Variants in PIAS1 observed in about 807,000 individuals in gnomAD.
PIAS1 encodes the protein protein inhibitor of activated STAT 1.
PIAS1 carries 6 observed loss-of-function variants against 71.3 expected under a neutral mutation model. The ratio of observed to expected loss-of-function variants is 0.08; its 90% CI spans 0.05 to 0.17. The LOEUF (loss-of-function observed/expected upper bound fraction) is 0.17. Among genes scored for constraint, PIAS1 ranks in the 10% least tolerant of loss-of-function variants. The pLI is 1.00. For missense variants in PIAS1, 555 were observed against 793.6 expected, an observed-to-expected ratio of 0.70 and a Z score of 3.61; for synonymous variants, 303 against 292.9, an observed-to-expected ratio of 1.03 and a Z score of -0.35.
At chr15:68,068,459 CTTTT>C (rs1317734300) in intron 1 of PIAS1, among the ~76,000 whole-genome samples, 1 of 150,974 alleles carries the variant, frequency 6.6e-6, no homozygotes, top group East Asian at 1.9e-4. Context: ...GGGGTTAAGT[CTTTT>C]TTTTTGAGAC....
chr15:68,063,352 G>A (rs2081103759), intron 1 of PIAS1, among the ~76,000 whole-genome samples: 1 of 152,166 alleles, frequency 6.6e-6, no homozygotes, highest in Non-Finnish European at 1.5e-5. Context: ...AGATTGGAAA[G>A]ATTTCAGAGT....
chr15:68,122,990 G>A (rs1416116795), intron 2 of PIAS1, among the ~76,000 whole-genome samples: 2 of 150,304 alleles, frequency 1.3e-5, no homozygotes, highest in East Asian at 3.9e-4. Flanking sequence ...TAAGGTAAAA[G>A]CTGTTTTTTT....
chr15:68,172,587 AT>A (rs1302625581), intron 8 of PIAS1, among the ~76,000 whole-genome samples: 7 of 152,104 alleles, frequency 4.6e-5, no homozygotes, highest in Non-Finnish European at 7.4e-5. Flanking sequence ...AAGCGTTTAT[AT>A]TTTTCAAGTT....
intron 2 of PIAS1, among the ~76,000 whole-genome samples, chr15:68,132,844 A>G (rs546795838): frequency 6.6e-6 from 1 of 152,162 alleles, no homozygotes; most frequent in Non-Finnish European, 1.5e-5. Flanking sequence ...GCTCAGTTTT[A>G]TCTTTTGAAT....
At chr15:68,152,220 A>G (rs2092852832) in intron 6 of PIAS1, among the ~76,000 whole-genome samples, 1 of 152,024 alleles carries the variant, frequency 6.6e-6, no homozygotes, top group Non-Finnish European at 1.5e-5. Context: ...AAGTGCTGGG[A>G]TTACAGTCAT....
At chr15:68,106,959 G>A (rs1276648872) in intron 2 of PIAS1, among the ~76,000 whole-genome samples, 2 of 152,142 alleles carry the variant, frequency 1.3e-5, no homozygotes, top group Non-Finnish European at 2.9e-5. Context: ...ATTCATGAGT[G>A]TTTAAAAGAC....
At chr15:68,138,322 C>T (rs1199387069) in intron 2 of PIAS1, among the ~76,000 whole-genome samples, 1 of 152,104 alleles carries the variant, frequency 6.6e-6, no homozygotes, top group Admixed American at 6.5e-5. Flanking sequence ...AAGTGGTACA[C>T]TACCACTCCT....
chr15:68,193,542 C>G lies in PIAS1; in HGVS notation c.*5707C>G, dbSNP rs1315152163. The G allele has an allele frequency of 6.5e-6, 1 of 153,626 alleles. No individual in the cohort carries two copies. Among genetic ancestry groups the G allele is most frequent in the African/African-American group, 2.4e-5 (1 of 41,484 alleles). 9.5% of individuals were successfully genotyped at this position (153,626 alleles called of 1,614,324 possible). ...TAGCACTGGCTTCATCTTGGAAAAT[C>G]TTGGAAATATGGAAGATGGTTCTAG... On this transcript the variant is annotated 3_prime_UTR_variant, in exon 14 of 14. Coordinates refer to ENST00000249636, the MANE Select transcript of PIAS1 (RefSeq NM_016166.3).
In PIAS1 at chr15:68,173,614, A is replaced by G. The variant is rs2093004884; in HGVS notation, c.1009-118A>G. On this transcript the variant is annotated intron_variant, in intron 8 of 13. Coordinates refer to ENST00000249636, the MANE Select transcript of PIAS1 (RefSeq NM_016166.3). This position sits in a 1 kb window ranked among gnomAD's most constrained non-coding sequence, Gnocchi z 4.3. The stretch of plus-strand genomic sequence containing the variant: ...TTAATGTTCTTCTACATTGATGAAA[A>G]GTCAACACTGTATGCTTTAAATCAG... 1 of 532,726 alleles carries G rather than the reference A, an allele frequency of 1.9e-6. No homozygotes were observed. Among genetic ancestry groups the G allele is most frequent in the East Asian group, 3.1e-5 (1 of 31,936 alleles). 33.0% of individuals were successfully genotyped at this position (532,726 alleles called of 1,614,324 possible).
In PIAS1 at chr15:68,172,496, T is replaced by G. The variant is rs182369193; in HGVS notation, c.1009-1236T>G. Among the ~76,000 whole-genome samples the G allele has an allele frequency of 2.2e-3, 342 of 152,336 alleles. 3 individuals carry two copies. The highest frequency in any genetic ancestry group is 6.1e-3 in the African/African-American group (253 of 41,574). Reference sequence around the variant, plus strand: ...CCAGATCCTTGAGGAATTGCCACACTGTGTTCCACAATGGTGAACTAGTTT... The same window carrying G: ...CCAGATCCTTGAGGAATTGCCACACGGTGTTCCACAATGGTGAACTAGTTT... On this transcript the variant is annotated intron_variant, in intron 8 of 13. Coordinates refer to ENST00000249636, the MANE Select transcript of PIAS1 (RefSeq NM_016166.3).
chr15:68,138,934 G>A (rs2092751875), intron 2 of PIAS1, among the ~76,000 whole-genome samples: 1 of 152,212 alleles, frequency 6.6e-6, no homozygotes, highest in African/African-American at 2.4e-5. Context: ...AAGAATGGCT[G>A]TCACTGGATG....
At position 68,086,409 on chromosome 15, in the gene PIAS1, A is replaced by G; in HGVS notation, c.128A>G (p.His43Arg). ...RKHELLTKAL[H>R]LLKAGCSPAV... ...CACGAACTTCTCACAAAAGCCCTGC[A>G]TTTGCTAAAGGCTGGCTGTAGTCCT... Residue 43 changes from histidine (H) to arginine (R), a missense_variant, in exon 2 of 14, where the codon CAT (histidine) becomes CGT (arginine). Coordinates refer to ENST00000249636, the MANE Select transcript of PIAS1 (RefSeq NM_016166.3). This position sits in a 1 kb window ranked among gnomAD's most constrained non-coding sequence, Gnocchi z 7.2. 6.2e-7 allele frequency: 1 copy of G among 1,613,914 alleles called. No homozygotes were observed. The highest frequency in any genetic ancestry group is 8.5e-7 in the Non-Finnish European group (1 of 1,179,832).
Position 68,187,834 on chromosome 15 carries a change from G to A in PIAS1, c.1955G>A (p.Ter652=). The change falls in exon 14 of 14, where the codon TGA becomes TAA. Residue 652 remains the stop codon, a stop_retained_variant. Coordinates refer to ENST00000249636, the MANE Select transcript of PIAS1 (RefSeq NM_016166.3). The surrounding 1 kb of genome is among the most constrained non-coding windows in gnomAD (Gnocchi z 5.3). ...ATACCAGACATTATTTCATTGGACT[G>A]ATTCCCAGGCCCTGCTGCTCCCATC... ...GIIPDIISLD[*] is the part of the protein sequence containing the mutation. 1 of 1,611,066 alleles carries A rather than the reference G, an allele frequency of 6.2e-7. No individual in the cohort carries two copies. The highest frequency in any genetic ancestry group is 1.7e-5 in the Admixed American group (1 of 59,878).
At chr15:68,164,417 GA>G (rs2092943598) in intron 7 of PIAS1, among the ~76,000 whole-genome samples, 2 of 152,114 alleles carry the variant, frequency 1.3e-5, no homozygotes, top group South Asian at 4.1e-4. Flanking sequence ...AGTTATAAAA[GA>G]AAAAGGGTCT....
intron 12 of PIAS1, chr15:68,181,882 T>C (rs1345619643): frequency 6.5e-6 from 1 of 154,108 alleles, no homozygotes; most frequent in Non-Finnish European, 1.4e-5. Context: ...GGTTTCACTA[T>C]TTTGGTCAGG....
At chr15:68,071,467 G>A (rs1188362126) in intron 1 of PIAS1, among the ~76,000 whole-genome samples, 5 of 149,234 alleles carry the variant, frequency 3.4e-5, no homozygotes, top group African/African-American at 9.9e-5. Context: ...CACCTGCCTC[G>A]GCCTCCCAAA....
chr15:68,153,460 C>A, intron 6 of PIAS1, 130 bp from the exon 7 acceptor site: 1 of 579,600 alleles, frequency 1.7e-6, no homozygotes. Context: ...CATGAAAACA[C>A]CTAAGACTGC....
In PIAS1 at chr15:68,065,915, C is replaced by CTTTTTTTTTTTTTTTT. The variant is rs869104577; in HGVS notation, c.24+11578_24+11593dup. On this transcript the variant is annotated intron_variant, in intron 1 of 13. Coordinates refer to ENST00000249636, the MANE Select transcript of PIAS1 (RefSeq NM_016166.3). ...GCCACCATGCTCAGCTGACTAAAAG[C>CTTTTTTTTTTTTTTTT]TTTTTTTTTTTTTTTTTTTTTTTTT... 3.2e-4 allele frequency among the ~76,000 whole-genome samples: 13 copies of CTTTTTTTTTTTTTTTT among 40,174 alleles called. 2 individuals are homozygous for CTTTTTTTTTTTTTTTT. Among genetic ancestry groups the CTTTTTTTTTTTTTTTT allele is most frequent in the African/African-American group, 1.3e-3 (10 of 7,532 alleles). The allele number at this position is 40,174 out of a possible 152,430, so 26.4% of individuals were successfully genotyped here.
At chr15:68,087,807 T>A (rs1029969554) in intron 2 of PIAS1, 1 of 333,204 alleles carries the variant, frequency 3.0e-6, no homozygotes, top group African/African-American at 2.2e-5. Flanking sequence ...ATTCTATCTT[T>A]GAAATATGAA....
Sources: allele counts gnomAD v4.1 joint callset (sites outside exome capture counted in the v4.1 genomes callset), GRCh38; gene constraint gnomAD v4.1.1; non-coding constraint Gnocchi (gnomAD v3.1); transcripts MANE v1.5; gene names NCBI Gene and HGNC (gene_info 2026-07-23, HGNC 2026-07-21).